The following CAPRIN1 variants were observed in gnomAD, a reference collection of about 807,000 sequenced individuals.
CAPRIN1 encodes cell cycle associated protein 1, also known as caprin-1.
Under a neutral mutation model 100.9 loss-of-function variants are expected in CAPRIN1, and 29 were observed. That is an observed-to-expected ratio of 0.29 (90% CI 0.21 to 0.39). CAPRIN1 has a LOEUF of 0.39. CAPRIN1 is among the 10% of genes least tolerant of loss of function. The pLI is 1.00. For synonymous variants in CAPRIN1, 338 were observed against 307.5 expected (o/e 1.10, Z -1.04); for missense variants, 795 against 876.7 (o/e 0.91, Z 1.18).
chr11:34,084,712 C>T (rs917887375), intron 9 of CAPRIN1, among the ~76,000 whole-genome samples: 2 of 151,986 alleles, frequency 1.3e-5, no homozygotes, highest in South Asian at 4.1e-4. Flanking sequence ...TTGACTAAGT[C>T]GATGGGATGT....
chr11:34,074,371 T>C (rs1026236038), intron 4 of CAPRIN1, among the ~76,000 whole-genome samples: 1 of 152,368 alleles, frequency 6.6e-6, no homozygotes, highest in South Asian at 2.1e-4. Flanking sequence ...GTTATTTATC[T>C]TTGATCCTTT....
chr11:34,096,879 G>T (rs2179830), intron 16 of CAPRIN1, among the ~76,000 whole-genome samples: 1 of 152,014 alleles, frequency 6.6e-6, no homozygotes, highest in Non-Finnish European at 1.5e-5. Context: ...TTGTTCATTT[G>T]GTTATGTCAA....
chr11:34,068,245 G>T (rs1402659700), intron 2 of CAPRIN1, among the ~76,000 whole-genome samples: 2 of 152,152 alleles, frequency 1.3e-5, no homozygotes, highest in Non-Finnish European at 2.9e-5. Context: ...ATGGCTGAAG[G>T]CTCCAAATAC....
chr11:34,073,351 G>A (rs1254307808), intron 4 of CAPRIN1, among the ~76,000 whole-genome samples: 1 of 152,184 alleles, frequency 6.6e-6, no homozygotes, highest in Non-Finnish European at 1.5e-5. Flanking sequence ...CCATCACAGT[G>A]CCTCGGTTTT....
intron 2 of CAPRIN1, among the ~76,000 whole-genome samples, chr11:34,062,795 T>G (rs1312853563): frequency 6.6e-6 from 1 of 152,122 alleles, no homozygotes; most frequent in Non-Finnish European, 1.5e-5. Context: ...TAGGCTTCAT[T>G]TTTAAGTATT....
chr11:34,059,421 A>T (rs1850526790), intron 2 of CAPRIN1, among the ~76,000 whole-genome samples: 1 of 152,026 alleles, frequency 6.6e-6, no homozygotes, highest in African/African-American at 2.4e-5. Flanking sequence ...GGTGCATGCC[A>T]CCACACCTGG....
Position 34,097,627 on chromosome 11 carries a change from A to T in CAPRIN1, c.2002-71A>T, listed in dbSNP as rs1481061282. ...AAGGAAGAATTCTGTATTGAGTGTT[A>T]GACTGAAAGAATAGATGGGTAAGCA... On this transcript the variant is annotated intron_variant, in intron 17 of 18. Coordinates refer to ENST00000341394, the MANE Select transcript of CAPRIN1 (RefSeq NM_005898.5). 3.2e-6 allele frequency: 5 copies of T among 1,549,984 alleles called. No homozygotes were observed. In the Admixed American group the frequency reaches 8.4e-5, roughly 26 times the overall value.
At chr11:34,073,904 T>C (rs1053473694) in intron 4 of CAPRIN1, among the ~76,000 whole-genome samples, 13 of 152,228 alleles carry the variant, frequency 8.5e-5, no homozygotes, top group African/African-American at 2.9e-4. Context: ...CTCACACTTC[T>C]GGATGCTGGG....
intron 11 of CAPRIN1, among the ~76,000 whole-genome samples, chr11:34,087,273 A>G (rs1309088178): frequency 6.6e-6 from 1 of 151,392 alleles, no homozygotes; most frequent in African/African-American, 2.4e-5. Context: ...ATGACAGTTA[A>G]TTTGGTGTAA....
intron 7 of CAPRIN1, among the ~76,000 whole-genome samples, chr11:34,080,424 C>G (rs1392920545): frequency 6.6e-6 from 1 of 152,094 alleles, no homozygotes; most frequent in Non-Finnish European, 1.5e-5. Context: ...CTGACATGCC[C>G]AGATTTGCTA....
chr11:34,060,846 T>C (rs1850563053), intron 2 of CAPRIN1, among the ~76,000 whole-genome samples: 1 of 152,214 alleles, frequency 6.6e-6, no homozygotes, highest in Non-Finnish European at 1.5e-5. Flanking sequence ...AAATAAGTTG[T>C]ACAGAATTAT....
intron 2 of CAPRIN1, chr11:34,053,141 G>GGGAC (rs1286339764): frequency 1.0e-6 from 1 of 988,884 alleles, no homozygotes; most frequent in Non-Finnish European, 1.2e-6. Context: ...CCTGTCGAGC[G>GGGAC]TCCCCTCTTC....
chr11:34,067,660 C>T lies in CAPRIN1; in HGVS notation c.217-4066C>T, dbSNP rs142753936. Among the ~76,000 whole-genome samples the T allele has an allele frequency of 2.9e-3, 440 of 152,002 alleles. 2 individuals carry two copies. The highest frequency in any genetic ancestry group is 4.9e-3 in the Non-Finnish European group (331 of 67,968). ...ACTAAGTTAAAAAATTTCCACGCCT[C>T]GGTAATTTTTAAATTTTTTGTAGAG... On this transcript the variant is annotated intron_variant, in intron 2 of 18. Coordinates refer to ENST00000341394, the MANE Select transcript of CAPRIN1 (RefSeq NM_005898.5).
At chr11:34,097,376 T>G (rs1851388018) in intron 17 of CAPRIN1, 80 bp downstream of exon 17, 1 of 1,169,814 alleles carries the variant, frequency 8.5e-7, no homozygotes, top group South Asian at 1.3e-5. Flanking sequence ...TTAATGAACC[T>G]AAGTAACTAA....
intron 11 of CAPRIN1, among the ~76,000 whole-genome samples, chr11:34,087,972 G>A (rs1050286870): frequency 9.2e-5 from 14 of 152,138 alleles, no homozygotes; most frequent in African/African-American, 3.4e-4. Context: ...ATGCTGAGTT[G>A]AATATAGGCT....
intron 2 of CAPRIN1, among the ~76,000 whole-genome samples, chr11:34,054,364 A>G (rs956966561): frequency 5.9e-5 from 9 of 152,230 alleles, no homozygotes; most frequent in Admixed American, 5.9e-4. Context: ...TGGAATAAGC[A>G]TGCCCAAGGC....
Position 34,096,463 on chromosome 11 carries a change from C to T in CAPRIN1, c.1706-16C>T. The T allele has an allele frequency of 6.2e-7, 1 of 1,605,052 alleles. No homozygotes were observed. Among genetic ancestry groups the T allele is most frequent in the African/African-American group, 1.3e-5 (1 of 74,696 alleles). ...GAGCTGTTTATGTATATATCTTTTT[C>T]TTTTTTAAATTATAGTGGTTGGCAC... On this transcript the variant is annotated splice_polypyrimidine_tract_variant and intron_variant, in intron 15 of 18. Transcript: ENST00000341394.
At chr11:34,090,765 CTG>C (rs1055085472) in intron 14 of CAPRIN1, 87 bp downstream of exon 14, 7 of 1,194,308 alleles carry the variant, frequency 5.9e-6, no homozygotes, top group Non-Finnish European at 8.5e-6. Context: ...CTTCATTTAA[CTG>C]TGCTTGAGTC....
intron 2 of CAPRIN1, among the ~76,000 whole-genome samples, chr11:34,054,176 G>C (rs1850397714): frequency 6.6e-6 from 1 of 152,042 alleles, no homozygotes; most frequent in Admixed American, 6.6e-5. Context: ...TTTCATCTTC[G>C]GTATTGAAGG....
Sources: allele counts gnomAD v4.1 joint callset (sites outside exome capture counted in the v4.1 genomes callset), GRCh38; gene constraint gnomAD v4.1.1; transcripts MANE v1.5; gene names NCBI Gene and HGNC (gene_info 2026-07-23, HGNC 2026-07-21).